SECISBP2L: variants seen among roughly 807,000 people sequenced by gnomAD.
SECISBP2L encodes SECIS binding protein 2 like, also known as selenocysteine insertion sequence-binding protein 2-like.
A neutral mutation model predicts 114.7 loss-of-function variants in SECISBP2L; 43 were observed. The ratio of observed to expected loss-of-function variants is 0.38; its 90% CI spans 0.29 to 0.48. The LOEUF is 0.48. Ranked by LOEUF, SECISBP2L falls within the 20% of genes least tolerant of loss-of-function variation. SECISBP2L has a pLI of 0.98. For missense variants in SECISBP2L, 1,136 were observed against 1,301.1 expected, an observed-to-expected ratio of 0.87 and a Z score of 1.95; for synonymous variants, 451 against 439.7, an observed-to-expected ratio of 1.03 and a Z score of -0.32.
chr15:49,003,850 ATTG>A, intron 14 of SECISBP2L, among the ~76,000 whole-genome samples: 1 of 152,186 alleles, frequency 6.6e-6, no homozygotes, highest in Non-Finnish European at 1.5e-5. Flanking sequence ...CCAGTATTTT[ATTG>A]AGGATTTCCG....
chr15:49,029,899 CTT>C (rs11426884), intron 4 of SECISBP2L, among the ~76,000 whole-genome samples: 8 of 142,332 alleles, frequency 5.6e-5, no homozygotes, highest in Non-Finnish European at 7.6e-5. Context: ...TGAGGCTGAT[CTT>C]TTTTTTTTTT....
intron 1 of SECISBP2L, chr15:49,042,566 C>T (rs1049669327): frequency 3.3e-5 from 5 of 152,242 alleles, no homozygotes; most frequent in African/African-American, 1.2e-4. Flanking sequence ...GTCCAGAACA[C>T]CGAGGTAGGG....
chr15:48,995,103 CT>C (rs1902061040), intron 17 of SECISBP2L, among the ~76,000 whole-genome samples: 3 of 152,112 alleles, frequency 2.0e-5, no homozygotes, highest in African/African-American at 7.2e-5. Context: ...ACCTCAATCT[CT>C]GAGACTTTCG....
chr15:49,029,371 G>A (rs1419755193), intron 4 of SECISBP2L, among the ~76,000 whole-genome samples: 2 of 151,990 alleles, frequency 1.3e-5, no homozygotes, highest in Admixed American at 1.3e-4. Flanking sequence ...CATTTGCCAT[G>A]GATTTCTGTA....
rs184993224 is a variant in SECISBP2L at position 48,994,441 on chromosome 15, G to A, written c.2624-1515C>T. Among the ~76,000 whole-genome samples the A allele has an allele frequency of 2.2e-3, 330 of 152,142 alleles. 3 individuals are homozygous for A. Among genetic ancestry groups the A allele is most frequent in the African/African-American group, 7.8e-3 (322 of 41,514 alleles). ...TAGGATAGAATCCAAAATCCCTGGC[G>A]TGGCACAGCAAAGCCCTTCATGATC... On this transcript the variant is annotated intron_variant, in intron 17 of 17. Coordinates refer to ENST00000559471, the MANE Select transcript of SECISBP2L (RefSeq NM_001193489.2).
intron 1 of SECISBP2L, among the ~76,000 whole-genome samples, chr15:49,042,095 C>T (rs1294913451): frequency 2.0e-5 from 3 of 152,124 alleles, no homozygotes; most frequent in Non-Finnish European, 4.4e-5. Context: ...CTGATGGTTA[C>T]TTTTTTAAAA....
chr15:49,019,832 T>C (rs539738368), intron 7 of SECISBP2L, among the ~76,000 whole-genome samples: 1 of 152,350 alleles, frequency 6.6e-6, no homozygotes, highest in African/African-American at 2.4e-5. Flanking sequence ...AAACCAGATG[T>C]TCTACAGTGG....
chr15:48,993,477 C>T (rs1902031479), intron 17 of SECISBP2L, among the ~76,000 whole-genome samples: 1 of 151,962 alleles, frequency 6.6e-6, no homozygotes, highest in Non-Finnish European at 1.5e-5. Context: ...TTTTTGGTAG[C>T]CTAGAGGTGT....
intron 6 of SECISBP2L, 136 bp from the exon 7 acceptor site, chr15:49,027,616 T>A (rs1273422669): frequency 2.1e-6 from 1 of 482,680 alleles, no homozygotes; most frequent in Non-Finnish European, 3.5e-6. Flanking sequence ...TATTATTTTT[T>A]TTTTTTTTTG....
chr15:49,027,280 C>T, intron 7 of SECISBP2L, 85 bp downstream of exon 7: 1 of 859,328 alleles, frequency 1.2e-6, no homozygotes, highest in Non-Finnish European at 1.9e-6. Context: ...ACTCCATGTG[C>T]ATATCCACTA....
chr15:49,044,846 T>C (rs775056911), intron 1 of SECISBP2L, among the ~76,000 whole-genome samples: 4 of 152,154 alleles, frequency 2.6e-5, no homozygotes, highest in Non-Finnish European at 1.5e-5. Context: ...GAACTCTAAG[T>C]ATACATAAGG....
At chr15:49,030,057 A>T (rs1474429117) in intron 4 of SECISBP2L, among the ~76,000 whole-genome samples, 1 of 151,932 alleles carries the variant, frequency 6.6e-6, no homozygotes, top group Non-Finnish European at 1.5e-5. Context: ...CAAAAAAAAA[A>T]AACAAAAAAC....
At chr15:49,006,093 T>C (rs937450330) in intron 14 of SECISBP2L, among the ~76,000 whole-genome samples, 2 of 152,194 alleles carry the variant, frequency 1.3e-5, no homozygotes, top group Non-Finnish European at 2.9e-5. Context: ...TCTTCTGGCT[T>C]GTAGGGTTTC....
In SECISBP2L at chr15:49,044,889, T is replaced by C. The variant is rs973895630; in HGVS notation, c.24+1387A>G. ...ACTGGTTTTAGTCCTGGCATCCTAG[T>C]GAAGGAACAAAATGTTGAACCCTTT... On this transcript the variant is annotated intron_variant, in intron 1 of 17. Coordinates refer to ENST00000559471, the MANE Select transcript of SECISBP2L (RefSeq NM_001193489.2). 3.3e-5 allele frequency among the ~76,000 whole-genome samples: 5 copies of C among 152,290 alleles called. No homozygotes were observed. The East Asian group carries it at 5.8e-4, about 18-fold the overall frequency.
Position 48,992,726 on chromosome 15 carries a change from C to T in SECISBP2L, c.2824G>A (p.Asp942Asn). The T allele has an allele frequency of 6.2e-7, 1 of 1,614,214 alleles. No individual in the cohort carries two copies. Among genetic ancestry groups the T allele is most frequent in the Admixed American group, 1.7e-5 (1 of 60,012 alleles). The part of the protein sequence containing the change: ...ATSAGKSTAS[D>N]KEEVKPDDLE... ...TCATCTGGCTTCACTTCCTCTTTAT[C>T]ACTTGCTGTGGATTTCCCAGCACTT... Residue 942 changes from aspartate (D) to asparagine (N), a missense_variant, in exon 18 of 18, where the codon GAT (aspartate) becomes AAT (asparagine). Around this residue, in one of 2 missense-constraint regions of SECISBP2L, gnomAD observed 684 missense variants for 848.7 expected, o/e 0.81. Transcript: ENST00000559471.
chr15:49,031,045 T>TC (rs1902875050), intron 4 of SECISBP2L, among the ~76,000 whole-genome samples: 1 of 124,534 alleles, frequency 8.0e-6, no homozygotes, highest in South Asian at 3.0e-4. Context: ...TTCTTTTTTT[T>TC]TTTTTTTTTT....
At chr15:49,039,529 CTTTT>C (rs1207046596) in intron 1 of SECISBP2L, among the ~76,000 whole-genome samples, 1 of 135,560 alleles carries the variant, frequency 7.4e-6, no homozygotes, top group African/African-American at 2.7e-5. Context: ...TTTTTTCTTT[CTTTT>C]TTTTTTTTTT....
At chr15:49,028,856 A>G (rs1902821359) in intron 4 of SECISBP2L, among the ~76,000 whole-genome samples, 174 bp from the exon 5 acceptor site, 1 of 152,194 alleles carries the variant, frequency 6.6e-6, no homozygotes, top group Admixed American at 6.5e-5. Flanking sequence ...AAGTTGGTTC[A>G]TAATGTTTTT....
chr15:49,002,552 C>T (rs1902233547), intron 14 of SECISBP2L, among the ~76,000 whole-genome samples: 1 of 152,146 alleles, frequency 6.6e-6, no homozygotes. Flanking sequence ...ATGGTATTGC[C>T]TAGGTTTTCT....
Sources: gnomAD v4.1 joint callset for allele counts (sites outside exome capture counted in the v4.1 genomes callset) on GRCh38, gnomAD v4.1.1 for gene constraint, gnomAD v4.1.1 regional missense constraint, MANE v1.5 for transcripts, NCBI Gene and HGNC (gene_info 2026-07-23, HGNC 2026-07-21) for gene names.